The following BRWD1 variants were observed in gnomAD, a reference collection of about 807,000 sequenced individuals.
BRWD1 encodes the protein bromodomain and WD repeat domain containing 1, also known as bromodomain and WD repeat-containing protein 1.
Under a neutral mutation model 251.2 loss-of-function variants are expected in BRWD1, and 82 were observed. That is an observed-to-expected ratio of 0.33 (90% CI 0.27 to 0.39). The LOEUF (loss-of-function observed/expected upper bound fraction) is 0.39, where lower values mean the gene tolerates loss of function less well. BRWD1 is among the 10% of genes least tolerant of loss of function. The probability of loss-of-function intolerance (pLI) is 1.00; values close to 1 mark genes in which losing one functional copy is unlikely to be tolerated. For synonymous variants in BRWD1, 918 were observed against 902.8 expected, an observed-to-expected ratio of 1.02 and a Z score of -0.30; for missense variants, 2,233 against 2,711.6, an observed-to-expected ratio of 0.82 and a Z score of 3.92.
upstream of BRWD1, among the ~76,000 whole-genome samples, chr21:39,318,529 CTG>C (rs1208388797): frequency 2.0e-5 from 3 of 152,226 alleles, no homozygotes; most frequent in African/African-American, 7.2e-5. Flanking sequence ...ATACCACAAA[CTG>C]GATCAGCACC....
chr21:39,249,832 T>G (rs1020015354), intron 20 of BRWD1, among the ~76,000 whole-genome samples: 1 of 151,098 alleles, frequency 6.6e-6, no homozygotes, highest in Non-Finnish European at 1.5e-5. Context: ...GTAAAACATA[T>G]TTTTTAACAA....
Position 39,187,704 on chromosome 21 carries a change from T to C in BRWD1, c.*8555A>G. 1.0e-6 allele frequency: 1 copy of C among 984,830 alleles called. No individual in the cohort carries two copies. The highest frequency in any genetic ancestry group is 1.2e-6 in the Non-Finnish European group (1 of 829,814). 61.0% of individuals were successfully genotyped at this position (984,830 alleles called of 1,614,324 possible). A position where few individuals can be genotyped will look rare whatever the true frequency, so the allele number is the denominator to read the frequency against. On this transcript the variant is annotated 3_prime_UTR_variant, in exon 41 of 41. Transcript: ENST00000342449. ...TCATAAAGCTGCTAATCTAAAAACATATATATGAGCATTTTACATAATTTG... is the reference window on the plus strand; with the variant it reads ...TCATAAAGCTGCTAATCTAAAAACACATATATGAGCATTTTACATAATTTG...
rs564886453 is a variant in BRWD1 at position 39,244,162 on chromosome 21, C to A, written c.2481+3539G>T. Among the ~76,000 whole-genome samples, 8 of 151,996 alleles carry A rather than the reference C, an allele frequency of 5.3e-5. No individual in the cohort carries two copies. In the East Asian group the frequency reaches 1.6e-3, roughly 30 times the overall value. ...CACTGCAAGTTCTGCCTCCTGGGTT[C>A]AATGCCATTCTCCTGCCTCAGCCTC... On this transcript the variant is annotated intron_variant, in intron 21 of 40. Transcript: ENST00000342449.
rs1406282052 is a variant in BRWD1 at position 39,264,637 on chromosome 21, C to A, written c.1708G>T (p.Asp570Tyr). 6.2e-7 allele frequency: 1 copy of A among 1,612,230 alleles called. No individual in the cohort carries two copies. Among genetic ancestry groups the A allele is most frequent in the Non-Finnish European group, 8.5e-7 (1 of 1,179,226 alleles). Reference sequence around the variant, plus strand: ...TCATCTAAGACATAATTATTAGAATCTCTAATAAGTGGTCGATAGTCAGTA... The same window carrying A: ...TCATCTAAGACATAATTATTAGAATATCTAATAAGTGGTCGATAGTCAGTA... The part of the protein sequence containing the change: ...FHTDYRPLIR[D>Y]SNNYVLDEQT... The change falls in exon 17 of 41, where the codon GAT becomes TAT. Residue 570 changes from aspartate (D) to tyrosine (Y), a missense_variant. Asp to Tyr is a radical substitution (Grantham distance 160). This residue lies in a region of BRWD1 where 315 missense variants were observed against 421.8 expected (regional missense o/e 0.75). Transcript: ENST00000342449.
At position 39,190,008 on chromosome 21, in the gene BRWD1, C is replaced by T. The variant is rs1423657316; in HGVS notation, c.*6251G>A. 9.1e-6 allele frequency: 9 copies of T among 985,246 alleles called. No homozygotes were observed. In the African/African-American group the frequency reaches 1.6e-4, roughly 17 times the overall value. 61.0% of individuals were successfully genotyped at this position (985,246 alleles called of 1,614,324 possible). ...TTGTTTTCCTGGAAGTGATTCCCTA[C>T]TTGGGTATGGCAAGAACACATCAGT... On this transcript the variant is annotated 3_prime_UTR_variant, in exon 41 of 41. Coordinates refer to ENST00000342449, the MANE Select transcript of BRWD1 (RefSeq NM_033656.4).
chr21:39,210,656 A>C, intron 35 of BRWD1, 130 bp downstream of exon 35: 2 of 1,043,596 alleles, frequency 1.9e-6, no homozygotes, highest in Non-Finnish European at 2.7e-6. Context: ...TCTACCACTA[A>C]CTTAGTGATA....
chr21:39,245,985 AAATC>A (rs1175411096), intron 21 of BRWD1, among the ~76,000 whole-genome samples: 2 of 152,206 alleles, frequency 1.3e-5, no homozygotes, highest in African/African-American at 2.4e-5. Context: ...TGATTATTAA[AAATC>A]AATCAAAGAT....
rs371538237 is a variant in BRWD1, at chr21:39,202,322, C to T, written c.4585+3G>A. On this transcript the variant is annotated splice_donor_region_variant and intron_variant, in intron 38 of 40. Coordinates refer to ENST00000342449, the MANE Select transcript of BRWD1 (RefSeq NM_033656.4). ...AGAAATAACATAGTATTTCACTTCTCACCAGATAATGTAGAACCATTTGTT... is the reference window on the plus strand; with the variant it reads ...AGAAATAACATAGTATTTCACTTCTTACCAGATAATGTAGAACCATTTGTT... 2.5e-6 allele frequency: 4 copies of T among 1,603,590 alleles called. No individual in the cohort carries two copies. The highest frequency in any genetic ancestry group is 3.4e-6 in the Non-Finnish European group (4 of 1,172,464).
At chr21:39,220,482 CTTAA>C (rs1305211747) in intron 29 of BRWD1, among the ~76,000 whole-genome samples, 1 of 152,186 alleles carries the variant, frequency 6.6e-6, no homozygotes, top group Admixed American at 6.5e-5. Context: ...TTCCGACTAG[CTTAA>C]TTGTGTGACA....
chr21:39,209,849 A>C (rs1174799647), intron 36 of BRWD1, 146 bp downstream of exon 36: 2 of 777,142 alleles, frequency 2.6e-6, no homozygotes, highest in Middle Eastern at 8.1e-4. Flanking sequence ...TCTTTTCTTT[A>C]TAATAGTCTT....
At chr21:39,288,076 A>G (rs2035697311) in intron 8 of BRWD1, among the ~76,000 whole-genome samples, 2 of 152,164 alleles carry the variant, frequency 1.3e-5, no homozygotes, top group South Asian at 4.1e-4. Flanking sequence ...CAGTCACATA[A>G]AGGCTTAACT....
At chr21:39,314,051 A>C (rs1478374180), upstream of BRWD1, 1 of 455,888 alleles carries the variant, frequency 2.2e-6, no homozygotes, top group Non-Finnish European at 4.4e-6. Flanking sequence ...GGGTTGGGCA[A>C]GGTCGCCCGC....
chr21:39,285,558 T>C (rs2035606050), intron 8 of BRWD1, among the ~76,000 whole-genome samples: 2 of 152,222 alleles, frequency 1.3e-5, no homozygotes, highest in Admixed American at 6.5e-5. Flanking sequence ...AATGCATATA[T>C]GCACTGAAAC....
At chr21:39,240,607 A>T (rs968320202) in intron 21 of BRWD1, among the ~76,000 whole-genome samples, 1 of 152,224 alleles carries the variant, frequency 6.6e-6, no homozygotes, top group Non-Finnish European at 1.5e-5. Flanking sequence ...AAACATTGGA[A>T]ACAACCTAAC....
intron 29 of BRWD1, among the ~76,000 whole-genome samples, chr21:39,221,260 T>C (rs555870735): frequency 8.8e-4 from 134 of 152,110 alleles, no homozygotes; most frequent in Non-Finnish European, 1.7e-3. Flanking sequence ...TCTCATAATG[T>C]CTATTTAGTG....
chr21:39,268,629 A>C (rs541648977), intron 15 of BRWD1, among the ~76,000 whole-genome samples: 5 of 152,146 alleles, frequency 3.3e-5, no homozygotes, highest in Non-Finnish European at 7.4e-5. Flanking sequence ...GCTAATATTC[A>C]ACAAAAGTTA....
Position 39,313,113 on chromosome 21 carries a change from A to T in BRWD1, c.109-12T>A. On this transcript the variant is annotated splice_polypyrimidine_tract_variant and intron_variant, in intron 2 of 40. Transcript: ENST00000342449. ...TCCTGCACCAGCACCTGCGGCCGAG[A>T]GACGCGCGGTCAGGGGTGGGGTCGG... is the stretch of plus-strand genomic sequence containing the variant. 6.7e-7 allele frequency: 1 copy of T among 1,495,764 alleles called. No individual in the cohort carries two copies. Among genetic ancestry groups the T allele is most frequent in the Non-Finnish European group, 8.9e-7 (1 of 1,124,830 alleles). The allele number at this position is 1,495,764 out of a possible 1,614,324, so 92.7% of individuals were successfully genotyped here.
In BRWD1 at chr21:39,264,462, G is replaced by C. The variant is rs776249092; in HGVS notation, c.1883C>G (p.Thr628Arg). Residue 628 changes from threonine (T) to arginine (R), a missense_variant and splice_region_variant, in exon 17 of 41, where the codon ACA becomes AGA. Coordinates refer to ENST00000342449, the MANE Select transcript of BRWD1 (RefSeq NM_033656.4). ...AAAAAAAAAAAGACTGCACTTACTT[G>C]TTGCCACATAGCCCAGCTGTGGAAT... ...HLIPQLGYVA[T>R]SDGEVIEQII... 4.1e-6 allele frequency: 6 copies of C among 1,463,136 alleles called. No individual in the cohort carries two copies. The South Asian group carries it at 7.6e-5, about 19-fold the overall frequency. The allele number at this position is 1,463,136 out of a possible 1,614,324, so 90.6% of individuals were successfully genotyped here.
chr21:39,310,410 A>G (rs1601515837), intron 4 of BRWD1, among the ~76,000 whole-genome samples: 1 of 151,392 alleles, frequency 6.6e-6, no homozygotes, highest in Non-Finnish European at 1.5e-5. Context: ...ACACAGAGGC[A>G]GGCAGATCAC....
Sources: allele counts gnomAD v4.1 joint callset (sites outside exome capture counted in the v4.1 genomes callset), GRCh38; gene constraint gnomAD v4.1.1; regional missense constraint gnomAD v4.1.1; transcripts MANE v1.5; gene names NCBI Gene and HGNC (gene_info 2026-07-23, HGNC 2026-07-21).